CBLB: variants seen among roughly 807,000 people sequenced by gnomAD.
CBLB encodes the protein E3 ubiquitin-protein ligase CBL-B.
Under a neutral mutation model 104.9 loss-of-function variants are expected in CBLB, and 31 were observed. That is an observed-to-expected ratio of 0.30 (90% CI 0.22 to 0.40). The LOEUF is 0.40. Ranked by LOEUF, CBLB falls within the 10% of genes least tolerant of loss-of-function variation. The pLI is 1.00. For missense variants in CBLB, 1,062 were observed against 1,214.6 expected (o/e 0.87, Z 1.87); for synonymous variants, 440 against 422.6 (o/e 1.04, Z -0.51).
At chr3:105,689,040 T>C (rs1338319824) in intron 13 of CBLB, among the ~76,000 whole-genome samples, 1 of 152,206 alleles carries the variant, frequency 6.6e-6, no homozygotes, top group Non-Finnish European at 1.5e-5. Flanking sequence ...TCTTTCCTAA[T>C]GACCTCATCT....
chr3:105,722,080 G>T (rs1054503014), intron 9 of CBLB, among the ~76,000 whole-genome samples: 2 of 151,316 alleles, frequency 1.3e-5, no homozygotes, highest in Non-Finnish European at 2.9e-5. Context: ...CACACCTGAA[G>T]TCCCAGCTGG....
At chr3:105,855,932 C>A (rs1301022310) in intron 2 of CBLB, among the ~76,000 whole-genome samples, 2 of 152,180 alleles carry the variant, frequency 1.3e-5, no homozygotes, top group East Asian at 1.9e-4. Flanking sequence ...TGCCTCTGGG[C>A]ACCCATAAAA....
chr3:105,662,362 C>T (rs1021589356), intron 18 of CBLB, among the ~76,000 whole-genome samples: 2 of 152,166 alleles, frequency 1.3e-5, no homozygotes, highest in Non-Finnish European at 2.9e-5. Context: ...TTTGGGAGCA[C>T]ACTGAAATAA....
intron 3 of CBLB, among the ~76,000 whole-genome samples, chr3:105,785,510 C>T (rs1365374208): frequency 3.9e-5 from 6 of 152,164 alleles, no homozygotes; most frequent in Admixed American, 6.5e-5. Flanking sequence ...TTTCCAGAAA[C>T]TCAAGTAAAT....
chr3:105,847,558 C>G (rs1484225439), intron 3 of CBLB, among the ~76,000 whole-genome samples: 2 of 152,026 alleles, frequency 1.3e-5, no homozygotes, highest in East Asian at 3.9e-4. Context: ...TTTTGTTAAT[C>G]TTTATTTTCT....
At chr3:105,788,994 C>A (rs1382662314) in intron 3 of CBLB, among the ~76,000 whole-genome samples, 1 of 152,220 alleles carries the variant, frequency 6.6e-6, no homozygotes, top group Non-Finnish European at 1.5e-5. Context: ...AGTAAAGCCA[C>A]TGGACCTTCC....
chr3:105,664,452 C>T (rs535530377), intron 18 of CBLB, among the ~76,000 whole-genome samples: 1 of 152,156 alleles, frequency 6.6e-6, no homozygotes, highest in African/African-American at 2.4e-5. Context: ...ATCTTAAGAT[C>T]GTAAGTGAAA....
intron 1 of CBLB, among the ~76,000 whole-genome samples, chr3:105,867,870 T>C (rs9657904): frequency 0.24 from 35,718 of 146,616 alleles, 4,538 homozygotes; most frequent in East Asian, 0.48. Flanking sequence ...GAACTAATAC[T>C]CAACTCATAA....
chr3:105,671,470 C>T, intron 17 of CBLB: 1 of 215,000 alleles, frequency 4.7e-6, no homozygotes, highest in South Asian at 1.9e-4. Context: ...TTAACTACCA[C>T]AAATAAATCC....
chr3:105,845,169 A>AT (rs1171755538), intron 3 of CBLB, among the ~76,000 whole-genome samples: 3 of 152,130 alleles, frequency 2.0e-5, no homozygotes, highest in Non-Finnish European at 4.4e-5. Context: ...GAGTTTGCTT[A>AT]ATATATATAA....
At chr3:105,736,927 GATTT>G (rs577000089) in intron 8 of CBLB, among the ~76,000 whole-genome samples, 57 of 151,980 alleles carry the variant, frequency 3.8e-4, no homozygotes, top group African/African-American at 1.3e-3. Flanking sequence ...CTTGCTTATG[GATTT>G]ATTTATTTCC....
In CBLB at chr3:105,755,415, T is replaced by G. The variant is rs901554239; in HGVS notation, c.567-3797A>C. Among the ~76,000 whole-genome samples, 4 of 152,050 alleles carry G rather than the reference T, an allele frequency of 2.6e-5. No individual in the cohort carries two copies. In the South Asian group the frequency reaches 8.3e-4, roughly 31 times the overall value. ...TTTCTCCTGTGTAAATGTGGAGAAGTGTATTAGATATTCTAATTTGAAAAT... is the reference window on the plus strand; with the variant it reads ...TTTCTCCTGTGTAAATGTGGAGAAGGGTATTAGATATTCTAATTTGAAAAT... On this transcript the variant is annotated intron_variant, in intron 4 of 18. Transcript: ENST00000394030.
intron 6 of CBLB, among the ~76,000 whole-genome samples, chr3:105,741,728 C>A (rs528664540): frequency 6.6e-6 from 1 of 151,884 alleles, no homozygotes; most frequent in Non-Finnish European, 1.5e-5. Context: ...ACCACGTTAG[C>A]CAGGATGGTC....
intron 4 of CBLB, among the ~76,000 whole-genome samples, chr3:105,763,772 C>G (rs1174068524): frequency 6.6e-6 from 1 of 152,210 alleles, no homozygotes; most frequent in Non-Finnish European, 1.5e-5. Flanking sequence ...ACTCTTCTTG[C>G]AAGCTAAGAA....
intron 10 of CBLB, among the ~76,000 whole-genome samples, chr3:105,707,491 C>T (rs2070343294): frequency 6.6e-6 from 1 of 152,080 alleles, no homozygotes; most frequent in South Asian, 2.1e-4. Flanking sequence ...TTTAACAATG[C>T]TCTTTTGATA....
At chr3:105,828,413 A>C (rs1362029886) in intron 3 of CBLB, among the ~76,000 whole-genome samples, 1 of 152,244 alleles carries the variant, frequency 6.6e-6, no homozygotes, top group Non-Finnish European at 1.5e-5. Context: ...CGACAAAACA[A>C]TTTTCATTAA....
intron 9 of CBLB, among the ~76,000 whole-genome samples, chr3:105,729,838 G>T (rs551512605): frequency 6.6e-6 from 1 of 152,086 alleles, no homozygotes; most frequent in South Asian, 2.1e-4. Context: ...TTAAATACCA[G>T]AGGCATTTTG....
chr3:105,692,953 T>C (rs941322480), intron 13 of CBLB, among the ~76,000 whole-genome samples: 6 of 150,996 alleles, frequency 4.0e-5, no homozygotes, highest in Non-Finnish European at 7.4e-5. Flanking sequence ...AACCCATTGA[T>C]ACTAACTCTC....
Position 105,734,120 on chromosome 3 carries a change from A to G in CBLB, c.1092T>C (p.Cys364=), listed in dbSNP as rs974014246. 6.2e-7 allele frequency: 1 copy of G among 1,613,950 alleles called. No homozygotes were observed. The highest frequency in any genetic ancestry group is 8.5e-7 in the Non-Finnish European group (1 of 1,179,806). ...AGAGCTGAAAAGTGGAGCCCATTTC[A>G]CAATATAATTCATATTGTTCCTGGA... ...KVTQEQYELY[C]EMGSTFQLCK... Residue 364 remains cysteine, a synonymous_variant, in exon 9 of 19, where the codon TGT becomes TGC. Coordinates refer to ENST00000394030, the MANE Select transcript of CBLB (RefSeq NM_170662.5).
Sources: gnomAD v4.1 joint callset for allele counts (sites outside exome capture counted in the v4.1 genomes callset) on GRCh38, gnomAD v4.1.1 for gene constraint, MANE v1.5 for transcripts, NCBI Gene and HGNC (gene_info 2026-07-23, HGNC 2026-07-21) for gene names.